MAT2B: variants seen among roughly 807,000 people sequenced by gnomAD.
MAT2B encodes methionine adenosyltransferase 2 non-catalytic beta subunit.
MAT2B carries 16 observed loss-of-function variants against 36.1 expected under a neutral mutation model. The observed-to-expected ratio is 0.44, with a 90% CI of 0.30 to 0.67. MAT2B has a LOEUF of 0.67. MAT2B is among the 30% of genes least tolerant of loss of function. MAT2B has a pLI of 0.09. For missense variants in MAT2B, 332 were observed against 398.2 expected, an observed-to-expected ratio of 0.83 and a Z score of 1.42; for synonymous variants, 148 against 136.9, an observed-to-expected ratio of 1.08 and a Z score of -0.57.
chr5:163,505,645 G>A lies in MAT2B; in HGVS notation c.-42G>A. ...AGGCCCGCGTCGATCCTGGGTTGGA[G>A]GAGGTGGCGGCCGCTGAGGCTGCGG... On this transcript the variant is annotated 5_prime_UTR_variant, in exon 1 of 7. Transcript: ENST00000321757. 1 of 1,259,774 alleles carries A rather than the reference G, an allele frequency of 7.9e-7. No individual in the cohort carries two copies. Among genetic ancestry groups the A allele is most frequent in the Non-Finnish European group, 1.0e-6 (1 of 994,516 alleles). The allele number at this position is 1,259,774 out of a possible 1,614,324, so 78.0% of individuals were successfully genotyped here.
At chr5:163,507,743 G>T (rs895181942) in intron 1 of MAT2B, among the ~76,000 whole-genome samples, 3 of 152,106 alleles carry the variant, frequency 2.0e-5, no homozygotes, top group Non-Finnish European at 4.4e-5. Context: ...GAACCAAAAA[G>T]CCTCAACAAA....
chr5:163,512,321 A>G, intron 2 of MAT2B, 125 bp downstream of exon 2: 1 of 837,390 alleles, frequency 1.2e-6, no homozygotes, highest in Non-Finnish European at 1.9e-6. Flanking sequence ...ATTATGCAGT[A>G]GCATTTTTTT....
intron 1 of MAT2B, among the ~76,000 whole-genome samples, chr5:163,506,880 CAGACTT>C (rs1759952557): frequency 6.6e-6 from 1 of 152,202 alleles, no homozygotes; most frequent in Non-Finnish European, 1.5e-5. Flanking sequence ...GAGCTTGGCA[CAGACTT>C]ACTGCTCTCA....
At chr5:163,511,399 G>A (rs1760039583) in intron 1 of MAT2B, among the ~76,000 whole-genome samples, 1 of 149,182 alleles carries the variant, frequency 6.7e-6, no homozygotes, top group Non-Finnish European at 1.5e-5. Flanking sequence ...AAGTAGCTAG[G>A]ACTACAGGCA....
chr5:163,515,535 A>G (rs1219313494), intron 4 of MAT2B, among the ~76,000 whole-genome samples: 1 of 152,196 alleles, frequency 6.6e-6, no homozygotes, highest in Non-Finnish European at 1.5e-5. Flanking sequence ...GAAACTTAAC[A>G]TTAATATGGT....
chr5:163,515,726 T>A (rs1305037196), intron 4 of MAT2B, among the ~76,000 whole-genome samples: 1 of 149,536 alleles, frequency 6.7e-6, no homozygotes, highest in African/African-American at 2.4e-5. Flanking sequence ...AAAAAACTAG[T>A]CCAAATGACA....
chr5:163,506,918 A>T (rs926619857), intron 1 of MAT2B, among the ~76,000 whole-genome samples: 1 of 152,222 alleles, frequency 6.6e-6, no homozygotes, highest in African/African-American at 2.4e-5. Flanking sequence ...ATTAAAGCTT[A>T]CTGACTCATG....
chr5:163,511,471 C>T (rs12332524), intron 1 of MAT2B, among the ~76,000 whole-genome samples: 4,068 of 56,700 alleles, frequency 0.072, 217 homozygotes, highest in African/African-American at 0.22. Flanking sequence ...TTTGGAAGGA[C>T]GGGTTTTCAC....
upstream of MAT2B, among the ~76,000 whole-genome samples, chr5:163,505,109 G>A (rs906142973): frequency 6.6e-6 from 1 of 151,804 alleles, no homozygotes; most frequent in African/African-American, 2.4e-5. Flanking sequence ...ATCCCAGGAA[G>A]ACAAATGGCT....
chr5:163,509,265 A>G (rs757817664), intron 1 of MAT2B, among the ~76,000 whole-genome samples: 2 of 152,114 alleles, frequency 1.3e-5, no homozygotes, highest in African/African-American at 2.4e-5. Flanking sequence ...TGTGGATTGT[A>G]TAATGCTTTG....
intron 1 of MAT2B, among the ~76,000 whole-genome samples, chr5:163,510,234 A>C (rs1760015936): frequency 1.3e-5 from 2 of 152,220 alleles, no homozygotes; most frequent in South Asian, 4.1e-4. Flanking sequence ...CTTGGGAAGA[A>C]GGGACATTTT....
At chr5:163,503,290 G>T, upstream of MAT2B, 1 of 972,050 alleles carries the variant, frequency 1.0e-6, no homozygotes, top group Non-Finnish European at 1.6e-6. Context: ...CTCACGTTTT[G>T]GCGTGCCTGC....
At chr5:163,508,595 AGTTT>A (rs1759985254) in intron 1 of MAT2B, among the ~76,000 whole-genome samples, 1 of 151,852 alleles carries the variant, frequency 6.6e-6, no homozygotes. Flanking sequence ...ATAACACGTT[AGTTT>A]TCTTTTTTTT....
chr5:163,516,728 A>C lies in MAT2B; in HGVS notation c.720+17A>C. Reference sequence around the variant, plus strand: ...AGAATGCTGGTAAGAAGGATTCCTGAGTCCTGTCTTAGCGAAGGTCCGCTT... The same window carrying C: ...AGAATGCTGGTAAGAAGGATTCCTGCGTCCTGTCTTAGCGAAGGTCCGCTT... On this transcript the variant is annotated intron_variant, in intron 5 of 6. Coordinates refer to ENST00000321757, the MANE Select transcript of MAT2B (RefSeq NM_013283.5). 6.2e-7 allele frequency: 1 copy of C among 1,613,780 alleles called. No individual in the cohort carries two copies. The highest frequency in any genetic ancestry group is 2.2e-5 in the East Asian group (1 of 44,888).
At chr5:163,504,131 A>G (rs1324643185), upstream of MAT2B, among the ~76,000 whole-genome samples, 1 of 152,218 alleles carries the variant, frequency 6.6e-6, no homozygotes, top group Non-Finnish European at 1.5e-5. Context: ...AGGTAAGATT[A>G]CATCACGTGT....
chr5:163,506,027 C>T (rs1213283366), intron 1 of MAT2B, among the ~76,000 whole-genome samples: 2 of 152,094 alleles, frequency 1.3e-5, no homozygotes, highest in Non-Finnish European at 2.9e-5. Context: ...CTCCTGAGGA[C>T]GAAGAGGTTT....
chr5:163,512,915 A>G (rs552280730), intron 2 of MAT2B: 64 of 265,506 alleles, frequency 2.4e-4, no homozygotes, highest in Non-Finnish European at 4.1e-4. Flanking sequence ...TCCTGACCTC[A>G]CGTGATCCAC....
rs1452033937 is a variant in MAT2B at position 163,519,053 on chromosome 5, A to G, written c.*690A>G. On this transcript the variant is annotated 3_prime_UTR_variant, in exon 7 of 7. Transcript: ENST00000321757. Reference sequence around the variant, plus strand: ...GTCCTTTTCATCCCATGTTGCCGCTAAGTGATATTTCATATGTGTGGTTAT... The same window carrying G: ...GTCCTTTTCATCCCATGTTGCCGCTGAGTGATATTTCATATGTGTGGTTAT... 6.6e-6 allele frequency: 1 copy of G among 152,258 alleles called. No homozygotes were observed. Among genetic ancestry groups the G allele is most frequent in the Non-Finnish European group, 1.5e-5 (1 of 68,008 alleles). The allele number at this position is 152,258 out of a possible 1,614,324, so 9.4% of individuals were successfully genotyped here. A position where few individuals can be genotyped will look rare whatever the true frequency, so the allele number is the denominator to read the frequency against.
chr5:163,509,297 T>G (rs1759998398), intron 1 of MAT2B, among the ~76,000 whole-genome samples: 1 of 152,208 alleles, frequency 6.6e-6, no homozygotes, highest in Non-Finnish European at 1.5e-5. Flanking sequence ...AAGTTTTCTT[T>G]TTTAAGGGGG....
Sources: gnomAD v4.1 joint callset for allele counts (sites outside exome capture counted in the v4.1 genomes callset) on GRCh38, gnomAD v4.1.1 for gene constraint, MANE v1.5 for transcripts, NCBI Gene and HGNC (gene_info 2026-07-23, HGNC 2026-07-21) for gene names.